Variants in ADAM2 observed in about 807,000 individuals in gnomAD.
ADAM2 encodes disintegrin and metalloproteinase domain-containing protein 2.
ADAM2 carries 101 observed loss-of-function variants against 99.3 expected under a neutral mutation model. The observed-to-expected ratio is 1.02, with a 90% CI of 0.87 to 1.20. The LOEUF is 1.20. ADAM2 is among the 50% of genes most tolerant of loss of function. The probability of loss-of-function intolerance (pLI) is 0.00; values close to 1 mark genes in which losing one functional copy is unlikely to be tolerated. For synonymous variants in ADAM2, 323 were observed against 287.6 expected (o/e 1.12, Z -1.25); for missense variants, 948 against 878.7 (o/e 1.08, Z -1.00).
chr8:39,800,087 T>G (rs1804137627), intron 7 of ADAM2, among the ~76,000 whole-genome samples: 1 of 152,216 alleles, frequency 6.6e-6, no homozygotes, highest in Non-Finnish European at 1.5e-5. Flanking sequence ...TTGGTTATTT[T>G]GCACACTGGT....
chr8:39,754,440 T>G (rs937411223), intron 16 of ADAM2, among the ~76,000 whole-genome samples: 2 of 152,224 alleles, frequency 1.3e-5, no homozygotes, highest in Non-Finnish European at 1.5e-5. Context: ...TCCCATTTCC[T>G]GTGCAATTCC....
intron 7 of ADAM2, among the ~76,000 whole-genome samples, chr8:39,808,479 T>C (rs1318659272): frequency 6.6e-6 from 1 of 152,192 alleles, no homozygotes; most frequent in Non-Finnish European, 1.5e-5. Context: ...ATATTCCAAA[T>C]TGTGAAAAAA....
At position 39,757,648 on chromosome 8, in the gene ADAM2, A is replaced by G. The variant is rs974173395; in HGVS notation, c.1614-1737T>C. Among the ~76,000 whole-genome samples the G allele has an allele frequency of 5.9e-5, 9 of 152,314 alleles. No individual in the cohort carries two copies. The East Asian group carries it at 1.2e-3, about 20-fold the overall frequency. ...CATAAAAAGCATCTCCCAGAGGCAT[A>G]ACGAAATGAACAATGTTTTCAGCTC... On this transcript the variant is annotated intron_variant, in intron 15 of 20. Coordinates refer to ENST00000265708, the MANE Select transcript of ADAM2 (RefSeq NM_001464.5).
intron 3 of ADAM2, among the ~76,000 whole-genome samples, chr8:39,832,938 A>G (rs1272147201): frequency 6.6e-6 from 1 of 152,120 alleles, no homozygotes; most frequent in Non-Finnish European, 1.5e-5. Context: ...TAAGAAATCT[A>G]CTGTTATGCT....
rs1375336458 is a variant in ADAM2 at position 39,774,368 on chromosome 8, T to A, written c.1028+2657A>T. Among the ~76,000 whole-genome samples the A allele has an allele frequency of 3.3e-5, 5 of 152,132 alleles. No individual in the cohort carries two copies. The East Asian group carries it at 9.6e-4, about 29-fold the overall frequency. Reference sequence around the variant, plus strand: ...AAAATATAAAGATCAAAAAGGAAGATGTATTTATAATATATAATTACATGT... The same window carrying A: ...AAAATATAAAGATCAAAAAGGAAGAAGTATTTATAATATATAATTACATGT... On this transcript the variant is annotated intron_variant, in intron 11 of 20. Coordinates refer to ENST00000265708, the MANE Select transcript of ADAM2 (RefSeq NM_001464.5).
At chr8:39,781,808 A>G (rs184973977) in intron 10 of ADAM2, among the ~76,000 whole-genome samples, 6 of 152,322 alleles carry the variant, frequency 3.9e-5, no homozygotes, top group Admixed American at 2.0e-4. Context: ...TTACACTACC[A>G]TTTTTGATGT....
intron 12 of ADAM2, among the ~76,000 whole-genome samples, chr8:39,767,609 A>G (rs1240406258): frequency 6.6e-6 from 1 of 152,190 alleles, no homozygotes; most frequent in Non-Finnish European, 1.5e-5. Context: ...TAAAAATTAT[A>G]TTGCAGTGAC....
chr8:39,744,767 A>T, intron 20 of ADAM2, 63 bp downstream of exon 20: 1 of 1,115,296 alleles, frequency 9.0e-7, no homozygotes. Flanking sequence ...AAACCTGCAC[A>T]TTCTGCACCT....
rs1156652646 is a variant in ADAM2, at chr8:39,788,741, C to A, written c.571-1G>T. 1.4e-6 allele frequency: 2 copies of A among 1,474,960 alleles called. No homozygotes were observed. Among genetic ancestry groups the A allele is most frequent in the Non-Finnish European group, 9.2e-7 (1 of 1,089,578 alleles). 91.4% of individuals were successfully genotyped at this position (1,474,960 alleles called of 1,614,324 possible). On this transcript the variant is annotated splice_acceptor_variant, in intron 7 of 20. Transcript: ENST00000265708. LOFTEE classifies it high-confidence loss of function. ...TTGTATCAGACCCCATATGATTATA[C>A]TGTAAAATATTATTACATTTTAGAT...
intron 7 of ADAM2, among the ~76,000 whole-genome samples, chr8:39,801,159 G>A (rs1266620362): frequency 1.3e-5 from 2 of 152,130 alleles, no homozygotes; most frequent in Non-Finnish European, 2.9e-5. Flanking sequence ...AGTTTGTCTA[G>A]TTTTGATCTT....
intron 6 of ADAM2, among the ~76,000 whole-genome samples, chr8:39,811,241 G>C (rs1205477732): frequency 2.6e-5 from 4 of 152,164 alleles, no homozygotes; most frequent in African/African-American, 4.8e-5. Context: ...AAACCAAGAA[G>C]AAGTTGAATC....
chr8:39,805,316 A>G (rs1001151520), intron 7 of ADAM2, among the ~76,000 whole-genome samples: 3 of 152,214 alleles, frequency 2.0e-5, no homozygotes, highest in African/African-American at 7.2e-5. Flanking sequence ...TAGGGGATCT[A>G]AAGGTGACTA....
intron 11 of ADAM2, among the ~76,000 whole-genome samples, chr8:39,772,511 T>C (rs1802823474): frequency 6.6e-6 from 1 of 152,082 alleles, no homozygotes; most frequent in African/African-American, 2.4e-5. Context: ...TGTGTAGAAA[T>C]ACAGTGTGAA....
intron 15 of ADAM2, among the ~76,000 whole-genome samples, chr8:39,759,065 C>A (rs979653912): frequency 5.3e-5 from 8 of 151,766 alleles, no homozygotes; most frequent in Non-Finnish European, 8.8e-5. Flanking sequence ...CAGAATATGC[C>A]CAGGGTCTCA....
chr8:39,826,977 G>C (rs1048372051), intron 3 of ADAM2, among the ~76,000 whole-genome samples: 1 of 151,740 alleles, frequency 6.6e-6, no homozygotes, highest in African/African-American at 2.4e-5. Flanking sequence ...AAGAATGGGA[G>C]AAAAGATTTG....
chr8:39,770,416 T>C (rs1802736000), intron 11 of ADAM2, among the ~76,000 whole-genome samples: 1 of 152,176 alleles, frequency 6.6e-6, no homozygotes, highest in Non-Finnish European at 1.5e-5. Context: ...TTCTTAAGTG[T>C]ATTTTATTGG....
At chr8:39,778,760 T>C (rs1207639666) in intron 10 of ADAM2, among the ~76,000 whole-genome samples, 2 of 152,030 alleles carry the variant, frequency 1.3e-5, no homozygotes, top group Admixed American at 1.3e-4. Context: ...GAGAGAATGA[T>C]TCTACAGGGA....
chr8:39,755,504 G>A (rs564694774), intron 16 of ADAM2, among the ~76,000 whole-genome samples: 5 of 152,176 alleles, frequency 3.3e-5, no homozygotes, highest in Admixed American at 2.6e-4. Context: ...GTGAAACTCC[G>A]TCTCTACTAA....
At chr8:39,799,288 A>G (rs1804106309) in intron 7 of ADAM2, among the ~76,000 whole-genome samples, 1 of 151,930 alleles carries the variant, frequency 6.6e-6, no homozygotes, top group South Asian at 2.1e-4. Context: ...CCTTAATTTC[A>G]TTATTTACCC....
Sources: gnomAD v4.1 joint callset for allele counts (sites outside exome capture counted in the v4.1 genomes callset) on GRCh38, gnomAD v4.1.1 for gene constraint, MANE v1.5 for transcripts, NCBI Gene and HGNC (gene_info 2026-07-23, HGNC 2026-07-21) for gene names.